Variants in DPYSL2 observed in about 807,000 individuals in gnomAD.
The protein encoded by DPYSL2 is dihydropyrimidinase like 2.
DPYSL2 carries 13 observed loss-of-function variants against 69.9 expected under a neutral mutation model. The observed-to-expected ratio is 0.19, with a 90% CI of 0.12 to 0.30. DPYSL2 has a LOEUF of 0.30. Among genes scored for constraint, DPYSL2 ranks in the 10% least tolerant of loss-of-function variants. The pLI, the probability that DPYSL2 is intolerant of heterozygous loss-of-function variation, is 1.00. For synonymous variants in DPYSL2, 326 were observed against 359.1 expected (o/e 0.91, Z 1.04); for missense variants, 587 against 918.9 (o/e 0.64, Z 4.67).
intron 1 of DPYSL2, among the ~76,000 whole-genome samples, chr8:26,569,002 A>G (rs1005734666): frequency 2.6e-5 from 4 of 152,196 alleles, no homozygotes; most frequent in Non-Finnish European, 4.4e-5. Context: ...TTGGATCATT[A>G]GAACCTAGGC....
chr8:26,628,902 A>G (rs1008457179), intron 7 of DPYSL2, among the ~76,000 whole-genome samples: 3 of 152,140 alleles, frequency 2.0e-5, no homozygotes, highest in Non-Finnish European at 2.9e-5. Context: ...GGATGTGGTC[A>G]TGTTCATACC....
intron 11 of DPYSL2, among the ~76,000 whole-genome samples, chr8:26,649,321 G>A (rs1803234746): frequency 6.6e-6 from 1 of 152,196 alleles, no homozygotes; most frequent in South Asian, 2.1e-4. Flanking sequence ...TCTCTTGCAA[G>A]GTTGCTTCCC....
intron 7 of DPYSL2, 143 bp downstream of exon 7, chr8:26,628,083 G>GTGTC (rs1481570965): frequency 1.3e-6 from 1 of 799,702 alleles, no homozygotes; most frequent in Non-Finnish European, 2.0e-6. Flanking sequence ...GGTCACGTGT[G>GTGTC]TGTCTGTCTG....
chr8:26,613,468 T>C (rs2129861370), intron 3 of DPYSL2, among the ~76,000 whole-genome samples: 1 of 152,302 alleles, frequency 6.6e-6, no homozygotes, highest in East Asian at 1.9e-4. Context: ...GTGGCTCCCT[T>C]CCTGCAGTGG....
rs1310816054 is a variant in DPYSL2, at chr8:26,641,450, C to T, written c.1127-1989C>T. Among the ~76,000 whole-genome samples the T allele has an allele frequency of 1.3e-5, 2 of 152,322 alleles. No homozygotes were observed. The highest frequency in any genetic ancestry group is 1.5e-5 in the Non-Finnish European group (1 of 68,040). On this transcript the variant is annotated intron_variant, in intron 8 of 13. Transcript: ENST00000521913. The surrounding 1 kb of genome is among the most constrained non-coding windows in gnomAD (Gnocchi z 4.1). ...ATCTGTTTGATCCTTGAACCAAAAG[C>T]GGGGAGCCAGAGAGATCCTTTGAGA...
intron 1 of DPYSL2, among the ~76,000 whole-genome samples, chr8:26,546,778 G>A (rs1392993839): frequency 6.6e-6 from 1 of 151,594 alleles, no homozygotes. Flanking sequence ...AAAATTAGCC[G>A]GGCGTGGTGG....
chr8:26,590,306 T>TC (rs1364145042), intron 3 of DPYSL2, among the ~76,000 whole-genome samples: 1 of 152,162 alleles, frequency 6.6e-6, no homozygotes. Context: ...TTCTCTGTGC[T>TC]CCTCCCCTTG....
chr8:26,577,883 G>T, intron 1 of DPYSL2: 1 of 1,118,566 alleles, frequency 8.9e-7, no homozygotes, highest in African/African-American at 1.7e-5. Context: ...GCTTTTGCCT[G>T]AGAGGAAAGG....
At position 26,650,562 on chromosome 8, in the gene DPYSL2, ACTT is replaced by A. The variant is rs1803260274; in HGVS notation, c.1597-1692_1597-1690del. Among the ~76,000 whole-genome samples, 1 of 152,220 alleles carries A rather than the reference ACTT, an allele frequency of 6.6e-6. No homozygotes were observed. Among genetic ancestry groups the A allele is most frequent in the African/African-American group, 2.4e-5 (1 of 41,458 alleles). On this transcript the variant is annotated intron_variant, in intron 11 of 13. Transcript: ENST00000521913. This position sits in a 1 kb window ranked among gnomAD's most constrained non-coding sequence, Gnocchi z 5.3. ...AAAGCAATCTCCCCAGAGTCACACA[ACTT>A]CTGGATTTTACCGTATCTGAGATGC...
chr8:26,526,677 A>C (rs1048024401), intron 1 of DPYSL2, among the ~76,000 whole-genome samples: 1 of 152,218 alleles, frequency 6.6e-6, no homozygotes, highest in Non-Finnish European at 1.5e-5. Context: ...CATGTTAAAG[A>C]ATCATCTTTT....
At chr8:26,541,222 C>T (rs911517937) in intron 1 of DPYSL2, among the ~76,000 whole-genome samples, 10 of 152,134 alleles carry the variant, frequency 6.6e-5, no homozygotes, top group Non-Finnish European at 7.4e-5. Flanking sequence ...GCAGAAACTT[C>T]GCAGACTAGG....
chr8:26,639,266 GA>G (rs1802989019), intron 8 of DPYSL2, among the ~76,000 whole-genome samples: 1 of 152,196 alleles, frequency 6.6e-6, no homozygotes, highest in South Asian at 2.1e-4. Flanking sequence ...GAGAAAGGGG[GA>G]AGATTTATTT....
chr8:26,555,714 A>T (rs1800934156), intron 1 of DPYSL2, among the ~76,000 whole-genome samples: 1 of 151,324 alleles, frequency 6.6e-6, no homozygotes, highest in South Asian at 2.1e-4. Context: ...GGGAAACCTC[A>T]TCTCTACAAA....
chr8:26,548,006 G>A, intron 1 of DPYSL2: 1 of 265,044 alleles, frequency 3.8e-6, no homozygotes, highest in East Asian at 8.7e-5. Context: ...CTGTTCCCCT[G>A]GATAAGACAG....
Position 26,514,688 on chromosome 8 carries a change from G to C in DPYSL2, c.354+9G>C. On this transcript the variant is annotated intron_variant, in intron 1 of 13. Coordinates refer to ENST00000521913, the MANE Select transcript of DPYSL2 (RefSeq NM_001197293.3). This position sits in a 1 kb window ranked among gnomAD's most constrained non-coding sequence, Gnocchi z 8.4. ...AGAACATCAACGACCAGGTCGGTGTGGGGGTTGGGGGTGGAGACGGAGGAC... is the reference window on the plus strand; with the variant it reads ...AGAACATCAACGACCAGGTCGGTGTCGGGGTTGGGGGTGGAGACGGAGGAC... 3 of 1,391,602 alleles carry C rather than the reference G, an allele frequency of 2.2e-6. No individual in the cohort carries two copies. Among genetic ancestry groups the C allele is most frequent in the African/African-American group, 1.5e-5 (1 of 66,170 alleles). 86.2% of individuals were successfully genotyped at this position (1,391,602 alleles called of 1,614,324 possible).
rs1298262033 is a variant in DPYSL2, at chr8:26,641,500, C to T, written c.1127-1939C>T. Among the ~76,000 whole-genome samples the T allele has an allele frequency of 6.6e-6, 1 of 152,244 alleles. No individual in the cohort carries two copies. The highest frequency in any genetic ancestry group is 1.5e-5 in the Non-Finnish European group (1 of 68,054). On this transcript the variant is annotated intron_variant, in intron 8 of 13. Transcript: ENST00000521913. This position sits in a 1 kb window ranked among gnomAD's most constrained non-coding sequence, Gnocchi z 4.1. ...AACTGATGACTGCTGCTGGGTCCTG[C>T]CCAGCCATTTGCATTTTATAAAGGT...
chr8:26,588,217 T>C lies in DPYSL2; in HGVS notation c.628+4234T>C, dbSNP rs1420672633. 6.6e-6 allele frequency among the ~76,000 whole-genome samples: 1 copy of C among 152,206 alleles called. No homozygotes were observed. Among genetic ancestry groups the C allele is most frequent in the Non-Finnish European group, 1.5e-5 (1 of 68,040 alleles). On this transcript the variant is annotated intron_variant, in intron 3 of 13. Transcript: ENST00000521913. The surrounding 1 kb of genome is among the most constrained non-coding windows in gnomAD (Gnocchi z 5.4). ...CCCCCGCATGGCCGGAGAAACAGGCTGAGCTGCCGTAGGGCTTGACCTGAG... is the reference window on the plus strand; with the variant it reads ...CCCCCGCATGGCCGGAGAAACAGGCCGAGCTGCCGTAGGGCTTGACCTGAG...
Position 26,517,612 on chromosome 8 carries a change from A to C in DPYSL2, c.354+2933A>C, listed in dbSNP as rs1435914896. ...TCAGCCTCTTCCCTTCCTCCTAGGA[A>C]CTTCCTCCATTCCACTCCAGACACA... On this transcript the variant is annotated intron_variant, in intron 1 of 13. Coordinates refer to ENST00000521913, the MANE Select transcript of DPYSL2 (RefSeq NM_001197293.3). The surrounding 1 kb of genome is among the most constrained non-coding windows in gnomAD (Gnocchi z 4.2). Among the ~76,000 whole-genome samples, 1 of 152,034 alleles carries C rather than the reference A, an allele frequency of 6.6e-6. No homozygotes were observed.
intron 1 of DPYSL2, among the ~76,000 whole-genome samples, chr8:26,554,816 A>C (rs1298753062): frequency 1.3e-5 from 2 of 152,182 alleles, no homozygotes; most frequent in East Asian, 3.8e-4. Context: ...AAGGCATTAT[A>C]AGAAAAGAAA....
Sources: allele counts gnomAD v4.1 joint callset (sites outside exome capture counted in the v4.1 genomes callset), GRCh38; gene constraint gnomAD v4.1.1; non-coding constraint Gnocchi (gnomAD v3.1); transcripts MANE v1.5; gene names NCBI Gene and HGNC (gene_info 2026-07-23, HGNC 2026-07-21).